PCLO: variants seen among roughly 807,000 people sequenced by gnomAD.
The protein encoded by PCLO is protein piccolo.
Under a neutral mutation model 427.5 loss-of-function variants are expected in PCLO, and 82 were observed. The observed-to-expected ratio is 0.19, with a 90% CI of 0.16 to 0.23. The LOEUF is 0.23. Among genes scored for constraint, PCLO ranks in the 10% least tolerant of loss-of-function variants. PCLO has a pLI of 1.00. For missense variants in PCLO, 6,239 were observed against 6,115.9 expected, an observed-to-expected ratio of 1.02 and a Z score of -0.67; for synonymous variants, 2,357 against 2,155.4, an observed-to-expected ratio of 1.09 and a Z score of -2.59.
intron 3 of PCLO, among the ~76,000 whole-genome samples, chr7:82,969,029 A>G (rs1795845287): frequency 1.3e-5 from 2 of 152,162 alleles, no homozygotes; most frequent in Non-Finnish European, 2.9e-5. Context: ...AAGTGAGACT[A>G]TTCTATCTGA....
chr7:82,788,214 TTAA>T (rs1389395522), intron 22 of PCLO, among the ~76,000 whole-genome samples: 4 of 147,606 alleles, frequency 2.7e-5, no homozygotes, highest in South Asian at 2.1e-4. Context: ...TAATATATAA[TTAA>T]TAATTATATA....
intron 3 of PCLO, among the ~76,000 whole-genome samples, chr7:83,036,385 G>A (rs1257330808): frequency 6.6e-6 from 1 of 152,120 alleles, no homozygotes; most frequent in East Asian, 1.9e-4. Flanking sequence ...GAAAACGACT[G>A]TCTTAGTAAA....
At chr7:82,966,524 A>G in intron 3 of PCLO, 37 bp from the exon 4 acceptor site, 2 of 1,241,046 alleles carry the variant, frequency 1.6e-6, no homozygotes, top group Non-Finnish European at 2.2e-6. Flanking sequence ...GATTGAATGT[A>G]TTATAATGTA....
At chr7:83,032,432 TTCCCTTCCCTCCCTTGCCTCCCTTCCC>T (rs1215454456) in intron 3 of PCLO, among the ~76,000 whole-genome samples, 1 of 135,978 alleles carries the variant, frequency 7.4e-6, no homozygotes, top group Non-Finnish European at 1.6e-5. Flanking sequence ...CTTCCCTTCC[TTCCCTTCCCTCCCTTGCCTCCCTTCCC>T]TCCCTTCCCT....
chr7:83,148,534 T>G (rs1376293728), intron 2 of PCLO, among the ~76,000 whole-genome samples: 1 of 152,220 alleles, frequency 6.6e-6, no homozygotes, highest in Non-Finnish European at 1.5e-5. Flanking sequence ...TTTTGTTTTT[T>G]AACTCTATGC....
intron 10 of PCLO, among the ~76,000 whole-genome samples, chr7:82,858,887 A>G (rs533149394): frequency 1.3e-5 from 2 of 152,298 alleles, no homozygotes; most frequent in South Asian, 2.1e-4. Context: ...GTCCATACTA[A>G]CCAAAGTGAT....
chr7:83,057,096 T>A (rs1380917461), intron 3 of PCLO, among the ~76,000 whole-genome samples: 7 of 149,676 alleles, frequency 4.7e-5, no homozygotes, highest in East Asian at 3.9e-4. Context: ...ATATATATAT[T>A]TTTTTGAGAT....
chr7:82,794,483 T>TTTTTTTTTTTTTTTTTTTTTTG (rs1791183239), intron 22 of PCLO, among the ~76,000 whole-genome samples: 1 of 111,274 alleles, frequency 9.0e-6, no homozygotes, highest in Non-Finnish European at 1.8e-5. Flanking sequence ...TTTTTTTTTT[T>TTTTTTTTTTTTTTTTTTTTTTG]TTTTTTGAGA....
At chr7:83,107,713 A>AAAAAGAAAGAACTGGCCG (rs1562967491) in intron 3 of PCLO, among the ~76,000 whole-genome samples, 9 of 126,868 alleles carry the variant, frequency 7.1e-5, no homozygotes, top group Non-Finnish European at 1.6e-4. Flanking sequence ...AGAAGAGAAT[A>AAAAAGAAAGAACTGGCCG]TGTGCGGTGG....
At chr7:83,008,256 C>G (rs1237460691) in intron 3 of PCLO, among the ~76,000 whole-genome samples, 1 of 151,516 alleles carries the variant, frequency 6.6e-6, no homozygotes, top group African/African-American at 2.4e-5. Flanking sequence ...CATTTAAGAG[C>G]CTAAATATCT....
chr7:83,026,401 C>G (rs1208540099), intron 3 of PCLO, among the ~76,000 whole-genome samples: 1 of 152,080 alleles, frequency 6.6e-6, no homozygotes, highest in African/African-American at 2.4e-5. Context: ...ACAAGAAGAG[C>G]TAACTATCCT....
intron 16 of PCLO, 41 bp from the exon 17 acceptor site, chr7:82,828,007 C>G (rs1791992049): frequency 8.7e-7 from 1 of 1,144,222 alleles, no homozygotes; most frequent in African/African-American, 1.5e-5. Flanking sequence ...GATTATTCAC[C>G]TTAGTTTATG....
intron 3 of PCLO, among the ~76,000 whole-genome samples, chr7:83,069,578 C>T (rs1789753804): frequency 6.6e-6 from 1 of 152,012 alleles, no homozygotes; most frequent in Non-Finnish European, 1.5e-5. Context: ...TACATATACA[C>T]ACGTATTCTA....
chr7:82,856,732 G>GT (rs1397161147), intron 10 of PCLO, among the ~76,000 whole-genome samples: 4 of 152,110 alleles, frequency 2.6e-5, no homozygotes, highest in Non-Finnish European at 5.9e-5. Flanking sequence ...CAGAATGGAT[G>GT]TTTTTTACTA....
At chr7:82,878,482 T>TA (rs1379928733) in intron 10 of PCLO, among the ~76,000 whole-genome samples, 1 of 152,168 alleles carries the variant, frequency 6.6e-6, no homozygotes. Flanking sequence ...ATGTTCATTA[T>TA]AAAAATATCA....
chr7:82,986,434 A>C (rs1796257316), intron 3 of PCLO, among the ~76,000 whole-genome samples: 1 of 152,010 alleles, frequency 6.6e-6, no homozygotes, highest in African/African-American at 2.4e-5. Flanking sequence ...TGTATTCCTT[A>C]GAGACTGAAC....
chr7:82,856,856 T>G (rs2115883421), intron 10 of PCLO, among the ~76,000 whole-genome samples: 1 of 152,170 alleles, frequency 6.6e-6, no homozygotes, highest in African/African-American at 2.4e-5. Context: ...GGGGGGTGGG[T>G]AGGGCCTTTA....
intron 3 of PCLO, among the ~76,000 whole-genome samples, chr7:83,117,921 A>G (rs1791174629): frequency 6.6e-6 from 1 of 152,216 alleles, no homozygotes; most frequent in Admixed American, 6.5e-5. Flanking sequence ...AATGTTTAAT[A>G]TTAGAACTAG....
intron 3 of PCLO, among the ~76,000 whole-genome samples, chr7:83,076,272 ACTT>A (rs1789949358): frequency 6.6e-6 from 1 of 151,236 alleles, no homozygotes; most frequent in Non-Finnish European, 1.5e-5. Flanking sequence ...GGAGCCATTC[ACTT>A]CTTTTTTTTT....
Sources: gnomAD v4.1 joint callset for allele counts (sites outside exome capture counted in the v4.1 genomes callset) on GRCh38, gnomAD v4.1.1 for gene constraint, MANE v1.5 for transcripts, NCBI Gene and HGNC (gene_info 2026-07-23, HGNC 2026-07-21) for gene names.